MS4A5: variants seen among roughly 807,000 people sequenced by gnomAD.
The protein encoded by MS4A5 is membrane-spanning 4-domains subfamily A member 5.
In MS4A5, 15 loss-of-function variants were observed where a neutral mutation model predicts 18.2. That is an observed-to-expected ratio of 0.83 (90% CI 0.55 to 1.27). The LOEUF (loss-of-function observed/expected upper bound fraction) is 1.27. Among genes scored for constraint, MS4A5 ranks in the 50% most tolerant of loss-of-function variants. The pLI is 0.00. For missense variants in MS4A5, 232 were observed against 225.7 expected, an observed-to-expected ratio of 1.03 and a Z score of -0.18; for synonymous variants, 89 against 78.7, an observed-to-expected ratio of 1.13 and a Z score of -0.69.
At position 60,438,065 on chromosome 11, in the gene MS4A5, C is replaced by G. The variant is rs9667860; in HGVS notation, c.492+4148C>G. ...AAATGTAAAAGAACAGAAATTATAA[C>G]AAACTATCTCTCAGACCACAGTGCA... On this transcript the variant is annotated intron_variant, in intron 4 of 4. Transcript: ENST00000300190. Among the ~76,000 whole-genome samples the G allele has an allele frequency of 8.7e-3, 1,317 of 152,150 alleles. 15 individuals are homozygous for G. The highest frequency in any genetic ancestry group is 0.028 in the African/African-American group (1,154 of 41,508).
At chr11:60,439,967 A>G (rs2086101469) in intron 4 of MS4A5, among the ~76,000 whole-genome samples, 1 of 146,182 alleles carries the variant, frequency 6.8e-6, no homozygotes, top group South Asian at 2.2e-4. Context: ...CACATCGCCA[A>G]GTCAATCCGA....
chr11:60,437,284 G>A (rs1170896110), intron 4 of MS4A5, among the ~76,000 whole-genome samples: 1 of 150,362 alleles, frequency 6.7e-6, no homozygotes, highest in Non-Finnish European at 1.5e-5. Flanking sequence ...ACTAAACATG[G>A]AAAGGAACAA....
chr11:60,443,924 G>A (rs528446635), intron 4 of MS4A5, among the ~76,000 whole-genome samples: 2 of 151,974 alleles, frequency 1.3e-5, no homozygotes, highest in East Asian at 3.9e-4. Context: ...GACTAACACA[G>A]GAAAAAATGT....
intron 4 of MS4A5, among the ~76,000 whole-genome samples, chr11:60,443,633 T>TA (rs1249921882): frequency 6.6e-6 from 1 of 151,596 alleles, no homozygotes; most frequent in African/African-American, 2.4e-5. Flanking sequence ...TAACAAAGAA[T>TA]AGAGATAAAA....
chr11:60,431,026 C>A, intron 2 of MS4A5, 102 bp downstream of exon 2: 1 of 1,356,302 alleles, frequency 7.4e-7, no homozygotes, highest in Non-Finnish European at 9.9e-7. Context: ...GACATGCTTT[C>A]AAAAGTGCAA....
rs113357604 is a variant in MS4A5 at position 60,441,291 on chromosome 11, G to C, written c.493-6358G>C. Among the ~76,000 whole-genome samples the C allele has an allele frequency of 2.6e-4, 32 of 124,098 alleles. 1 individual carries two copies. Among genetic ancestry groups the C allele is most frequent in the East Asian group, 1.2e-3 (5 of 4,272 alleles). The allele number at this position is 124,098 out of a possible 152,430, so 81.4% of individuals were successfully genotyped here. On this transcript the variant is annotated intron_variant, in intron 4 of 4. Coordinates refer to ENST00000300190, the MANE Select transcript of MS4A5 (RefSeq NM_023945.3). Reference sequence around the variant, plus strand: ...GGGAACTGTTATGGGGTGGAGGGAGGGGGGGAGGGATAGCATCGGGAGATA... The same window carrying C: ...GGGAACTGTTATGGGGTGGAGGGAGCGGGGGAGGGATAGCATCGGGAGATA...
chr11:60,432,169 C>G (rs17154972), intron 2 of MS4A5, among the ~76,000 whole-genome samples: 1 of 151,950 alleles, frequency 6.6e-6, no homozygotes, highest in Non-Finnish European at 1.5e-5. Flanking sequence ...AAGCCCTGTA[C>G]GGTTAAAAAA....
Position 60,437,581 on chromosome 11 carries a change from T to C in MS4A5, c.492+3664T>C, listed in dbSNP as rs1004947504. On this transcript the variant is annotated intron_variant, in intron 4 of 4. Coordinates refer to ENST00000300190, the MANE Select transcript of MS4A5 (RefSeq NM_023945.3). ...CAAAATAAAAGGATGGAGGAAGTTC[T>C]ACCAAGCAAATGGAAAACAAAAAAA... Among the ~76,000 whole-genome samples, 14 of 152,128 alleles carry C rather than the reference T, an allele frequency of 9.2e-5. 1 individual carries two copies. Among genetic ancestry groups the C allele is most frequent in the South Asian group, 8.3e-4 (4 of 4,824 alleles).
chr11:60,447,427 A>C (rs1319547865), intron 4 of MS4A5, among the ~76,000 whole-genome samples: 1 of 152,218 alleles, frequency 6.6e-6, no homozygotes, highest in Non-Finnish European at 1.5e-5. Context: ...ATCCTAGGCT[A>C]TGCTATGCTA....
intron 4 of MS4A5, among the ~76,000 whole-genome samples, chr11:60,443,305 C>A (rs2086123289): frequency 6.6e-6 from 1 of 151,186 alleles, no homozygotes. Flanking sequence ...TGTCTGAAAA[C>A]AATGGAATTG....
intron 4 of MS4A5, among the ~76,000 whole-genome samples, chr11:60,437,599 C>CA (rs958618944): frequency 6.0e-5 from 9 of 150,734 alleles, no homozygotes; most frequent in African/African-American, 1.9e-4. Context: ...AAATGGAAAA[C>CA]AAAAAAAGGC....
intron 4 of MS4A5, among the ~76,000 whole-genome samples, chr11:60,438,759 A>G (rs1321852425): frequency 1.3e-5 from 2 of 148,970 alleles, no homozygotes; most frequent in South Asian, 4.3e-4. Context: ...CAATAACAGG[A>G]GCTGAAATTG....
At chr11:60,430,756 C>T (rs747721315) in intron 1 of MS4A5, 40 bp from the exon 2 acceptor site, 6 of 1,602,020 alleles carry the variant, frequency 3.7e-6, no homozygotes, top group South Asian at 1.1e-5. Context: ...GAAACTATCA[C>T]TTTGCTTTTC....
chr11:60,447,735 T>A lies in MS4A5; in HGVS notation c.579T>A (p.Asp193Glu), dbSNP rs199735850. ...PFSILGCHSE[D>E]CDCEQCC is the part of the protein sequence containing the mutation. ...CAATTTTGGGGTGCCACTCAGAGGA[T>A]TGTGATTGTGAACAATGTTGTTGAC... Residue 193 changes from aspartate to glutamate, a missense_variant, in exon 5 of 5, where the codon GAT (aspartate) becomes GAA (glutamate). By Grantham distance (45) the Asp-to-Glu change is conservative. Transcript: ENST00000300190. 1 of 1,593,984 alleles carries A rather than the reference T, an allele frequency of 6.3e-7. No homozygotes were observed. Among genetic ancestry groups the A allele is most frequent in the Non-Finnish European group, 8.5e-7 (1 of 1,170,598 alleles).
Position 60,429,864 on chromosome 11 carries a change from G to A in MS4A5, c.153+37G>A, listed in dbSNP as rs997171127. The A allele has an allele frequency of 3.8e-6, 6 of 1,587,192 alleles. No individual in the cohort carries two copies. In the Admixed American group the frequency reaches 5.2e-5, roughly 14 times the overall value. The stretch of plus-strand genomic sequence containing the variant: ...TTGCCCCTATGTATATTTTACTGAG[G>A]CAGGGGAAAGGCTAGGGAAATTATC... On this transcript the variant is annotated intron_variant, in intron 1 of 4. Coordinates refer to ENST00000300190, the MANE Select transcript of MS4A5 (RefSeq NM_023945.3).
chr11:60,430,876 GT>G lies in MS4A5; in HGVS notation c.237del (p.Phe81LeufsTer22). 1 of 1,613,236 alleles carries G rather than the reference GT, an allele frequency of 6.2e-7. No homozygotes were observed. On this transcript the variant is annotated frameshift_variant, in exon 2 of 5. Transcript: ENST00000300190. LOFTEE classifies it high-confidence loss of function. ...LFTLLKPYPRFPFIFLSGYPF... is the reference protein window; with the variant it reads ...LFTLLKPYPRXPFIFLSGYPF... ...TCACCTTGTTAAAACCATATCCAAGGTTTCCCTTTATATTTCTTTCAGGATA... is the reference window on the plus strand; with the variant it reads ...TCACCTTGTTAAAACCATATCCAAGGTTCCCTTTATATTTCTTTCAGGATA...
intron 4 of MS4A5, among the ~76,000 whole-genome samples, chr11:60,443,621 C>T (rs941813088): frequency 2.6e-5 from 4 of 151,356 alleles, no homozygotes; most frequent in African/African-American, 9.7e-5. Context: ...CTATAATAGA[C>T]ATAACAAAGA....
intron 2 of MS4A5, among the ~76,000 whole-genome samples, chr11:60,431,388 C>T (rs2086047730): frequency 6.6e-6 from 1 of 152,274 alleles, no homozygotes; most frequent in African/African-American, 2.4e-5. Flanking sequence ...CTCAGATATA[C>T]CTTTTGAGCT....
In MS4A5 at chr11:60,435,081, C is replaced by T. The variant is rs560609841; in HGVS notation, c.492+1164C>T. ...TGACAACCTCCTTGCACGCCCCAAT[C>T]CCCACTGACCTTTGCTAGGCATAAA... On this transcript the variant is annotated intron_variant, in intron 4 of 4. Transcript: ENST00000300190. Among the ~76,000 whole-genome samples the T allele has an allele frequency of 3.0e-4, 45 of 152,316 alleles. No homozygotes were observed. In the Middle Eastern group the frequency reaches 0.017, roughly 58 times the overall value.
Sources: gnomAD v4.1 joint callset for allele counts (sites outside exome capture counted in the v4.1 genomes callset) on GRCh38, gnomAD v4.1.1 for gene constraint, MANE v1.5 for transcripts, NCBI Gene and HGNC (gene_info 2026-07-23, HGNC 2026-07-21) for gene names.